The following DNAAF9 variants were observed in gnomAD, a reference collection of about 807,000 sequenced individuals.
DNAAF9 encodes shulin.
Under a neutral mutation model 167.0 loss-of-function variants are expected in DNAAF9, and 90 were observed. The ratio of observed to expected loss-of-function variants is 0.54; its 90% confidence interval spans 0.45 to 0.64. The LOEUF is 0.64. Among genes scored for constraint, DNAAF9 ranks in the 30% least tolerant of loss-of-function variants. DNAAF9 has a pLI of 0.00. For synonymous variants in DNAAF9, 491 were observed against 508.8 expected (o/e 0.96, Z 0.47); for missense variants, 1,315 against 1,442.2 (o/e 0.91, Z 1.43).
chr20:3,340,420 CT>C (rs2070055144), intron 10 of DNAAF9, 83 bp downstream of exon 10: 2 of 956,430 alleles, frequency 2.1e-6, no homozygotes, highest in Non-Finnish European at 1.5e-6. Context: ...GGAAAAGGTT[CT>C]TTTTGTCTAG....
At chr20:3,281,096 G>A (rs954530490) in intron 28 of DNAAF9, among the ~76,000 whole-genome samples, 17 of 151,594 alleles carry the variant, frequency 1.1e-4, no homozygotes, top group African/African-American at 4.1e-4. Flanking sequence ...TGGCACGATC[G>A]CAGCTCACTG....
intron 7 of DNAAF9, among the ~76,000 whole-genome samples, chr20:3,355,684 C>T (rs995132434): frequency 2.6e-5 from 4 of 152,116 alleles, no homozygotes; most frequent in African/African-American, 7.2e-5. Context: ...ATTCATATAG[C>T]AATTACACTA....
At chr20:3,361,225 T>G (rs964970828) in intron 6 of DNAAF9, among the ~76,000 whole-genome samples, 1 of 152,014 alleles carries the variant, frequency 6.6e-6, no homozygotes, top group African/African-American at 2.4e-5. Context: ...AGAGAAGATA[T>G]GGGGAAAGCT....
At chr20:3,397,330 G>GTTTTTTTGT (rs1165328775) in intron 1 of DNAAF9, among the ~76,000 whole-genome samples, 1 of 150,468 alleles carries the variant, frequency 6.6e-6, no homozygotes, top group African/African-American at 2.4e-5. Flanking sequence ...TTTGTTTTTT[G>GTTTTTTTGT]TTTTTTGAGA....
intron 6 of DNAAF9, chr20:3,360,079 G>A (rs576902538): frequency 1.3e-5 from 2 of 152,390 alleles, no homozygotes; most frequent in Admixed American, 1.3e-4. Context: ...GAAGGATACA[G>A]AGAAGATTAC....
chr20:3,262,067 C>T (rs906005200), intron 31 of DNAAF9, among the ~76,000 whole-genome samples: 4 of 152,034 alleles, frequency 2.6e-5, no homozygotes, highest in African/African-American at 4.8e-5. Flanking sequence ...CTCTGACCCA[C>T]GTGAGAGGGG....
intron 36 of DNAAF9, 35 bp downstream of exon 36, chr20:3,253,691 G>T: frequency 1.6e-6 from 2 of 1,285,532 alleles, no homozygotes; most frequent in Non-Finnish European, 2.3e-6. Flanking sequence ...TCACTGCCCG[G>T]GTTCCACACA....
At chr20:3,349,798 C>A (rs747037705) in intron 7 of DNAAF9, among the ~76,000 whole-genome samples, 2 of 152,138 alleles carry the variant, frequency 1.3e-5, no homozygotes, top group African/African-American at 4.8e-5. Context: ...GCTTAAGATA[C>A]TCCTCAAGTA....
intron 21 of DNAAF9, among the ~76,000 whole-genome samples, chr20:3,303,196 C>G (rs1379939404): frequency 6.6e-6 from 1 of 150,906 alleles, no homozygotes; most frequent in African/African-American, 2.4e-5. Flanking sequence ...GAGTCGAGAT[C>G]GCACCACTGC....
In DNAAF9 at chr20:3,270,554, T is replaced by C; in HGVS notation, c.2659A>G (p.Ser887Gly). Residue 887 changes from serine to glycine, a missense_variant, in exon 30 of 37, where the codon AGT becomes GGT. Physicochemically the swap from Ser to Gly is moderately conservative, Grantham distance 56. This residue lies in a region of DNAAF9 where 334 missense variants were observed against 429.7 expected (regional missense o/e 0.78). Transcript: ENST00000252032. ...GTGTGACTGGTGAATACCACGTTAC[T>C]CACCAGGCCTGGGAATAAAACCAAG... is the stretch of plus-strand genomic sequence containing the variant. ...CLDQCSQGLV[S>G]NVVFTSHTTE... 1 of 1,612,450 alleles carries C rather than the reference T, an allele frequency of 6.2e-7. No individual in the cohort carries two copies.
chr20:3,382,160 C>T (rs1256111344), intron 2 of DNAAF9, among the ~76,000 whole-genome samples: 1 of 152,044 alleles, frequency 6.6e-6, no homozygotes, highest in African/African-American at 2.4e-5. Flanking sequence ...TGGCTCTGGG[C>T]AAGAGGGACA....
rs1466566321 is a variant in DNAAF9, at chr20:3,252,516, C to G, written c.*56G>C. The G allele has an allele frequency of 1.1e-6, 1 of 939,648 alleles. No individual in the cohort carries two copies. Among genetic ancestry groups the G allele is most frequent in the East Asian group, 2.4e-5 (1 of 41,836 alleles). The allele number at this position is 939,648 out of a possible 1,614,324, so 58.2% of individuals were successfully genotyped here. ...TCCAGCAGAGCTGAGGTTAAGACAC[C>G]CGTTCGTCCATCTCCAAGGTGGACA... On this transcript the variant is annotated 3_prime_UTR_variant, in exon 37 of 37. Coordinates refer to ENST00000252032, the MANE Select transcript of DNAAF9 (RefSeq NM_001009984.3).
intron 12 of DNAAF9, 138 bp from the exon 13 acceptor site, chr20:3,326,422 T>C: frequency 1.6e-6 from 1 of 634,994 alleles, no homozygotes; most frequent in African/African-American, 1.8e-5. Flanking sequence ...CCCACTGATT[T>C]CTAAACCTTT....
chr20:3,392,589 T>C (rs988543141), intron 1 of DNAAF9, among the ~76,000 whole-genome samples: 1 of 152,338 alleles, frequency 6.6e-6, no homozygotes, highest in African/African-American at 2.4e-5. Flanking sequence ...GGGTACAATA[T>C]ATGTGAATTC....
In DNAAF9 at chr20:3,250,856, A is replaced by G. The variant is rs909406970; in HGVS notation, c.*1716T>C. ...GGCTGCTCAAGTTTGAGTTTTTAAA[A>G]AGAGTTCGGTAGAGCTAAAGGAAGC... On this transcript the variant is annotated 3_prime_UTR_variant, in exon 37 of 37. Transcript: ENST00000252032. 1 of 152,252 alleles carries G rather than the reference A, an allele frequency of 6.6e-6. No individual in the cohort carries two copies. 9.4% of individuals were successfully genotyped at this position (152,252 alleles called of 1,614,324 possible). A position where few individuals can be genotyped will look rare whatever the true frequency, so the allele number is the denominator to read the frequency against.
chr20:3,295,868 G>T, intron 23 of DNAAF9: 1 of 1,074,342 alleles, frequency 9.3e-7, no homozygotes, highest in Non-Finnish European at 1.4e-6. Context: ...ATCCTTTAAT[G>T]TTCTCATGGG....
intron 1 of DNAAF9, 110 bp from the exon 2 acceptor site, chr20:3,382,616 G>A: frequency 1.2e-6 from 1 of 806,130 alleles, no homozygotes; most frequent in East Asian, 2.6e-5. Flanking sequence ...ACTTTGCTGG[G>A]GATGGAAATT....
chr20:3,405,716 G>A (rs557260716), intron 1 of DNAAF9, among the ~76,000 whole-genome samples: 2 of 152,198 alleles, frequency 1.3e-5, no homozygotes, highest in South Asian at 2.1e-4. Flanking sequence ...CTAAAAACAA[G>A]AAAGGCAGCA....
rs1186622690 is a variant in DNAAF9 at position 3,272,487 on chromosome 20, C to T, written c.2651-1925G>A. The stretch of plus-strand genomic sequence containing the variant: ...AGTGATCCTCATGCCTTGGCCTCCT[C>T]TAAAGTGCTGGGATTACGGGCGTGA... On this transcript the variant is annotated intron_variant, in intron 29 of 36. Coordinates refer to ENST00000252032, the MANE Select transcript of DNAAF9 (RefSeq NM_001009984.3). 3.4e-4 allele frequency among the ~76,000 whole-genome samples: 51 copies of T among 152,146 alleles called. 1 individual carries two copies. The highest frequency in any genetic ancestry group is 3.3e-3 in the Admixed American group (51 of 15,260).
Sources: gnomAD v4.1 joint callset for allele counts (sites outside exome capture counted in the v4.1 genomes callset) on GRCh38, gnomAD v4.1.1 for gene constraint, gnomAD v4.1.1 regional missense constraint, MANE v1.5 for transcripts, NCBI Gene and HGNC (gene_info 2026-07-23, HGNC 2026-07-21) for gene names.